The following STAU1 variants were observed in gnomAD, a reference collection of about 807,000 sequenced individuals.
The protein encoded by STAU1 is double-stranded RNA-binding protein Staufen homolog 1.
STAU1 carries 13 observed loss-of-function variants against 62.9 expected under a neutral mutation model. The observed-to-expected ratio is 0.21, with a 90% CI of 0.13 to 0.33. The LOEUF is 0.33. STAU1 is among the 10% of genes least tolerant of loss of function. The pLI is 1.00. For synonymous variants in STAU1, 269 were observed against 265.1 expected (o/e 1.01, Z -0.14); for missense variants, 571 against 712.1 (o/e 0.80, Z 2.25).
rs778087893 is a variant in STAU1 at position 49,151,649 on chromosome 20, G to A, written c.443C>T (p.Ala148Val). 30 of 1,612,146 alleles carry A rather than the reference G, an allele frequency of 1.9e-5. No homozygotes were observed. Among genetic ancestry groups the A allele is most frequent in the Admixed American group, 1.3e-4 (8 of 59,642 alleles). The stretch of plus-strand genomic sequence containing the variant: ...CGCTTTGGCAGCAGCATCGTGTTTC[G>A]CAGCCTGTCTTGTCTTTCCTTTGCC... ...FNGKGKTRQA[A>V]KHDAAAKALR... is the part of the protein sequence containing the mutation. The change falls in exon 5 of 14, where the codon GCG becomes GTG. Residue 148 changes from alanine to valine, a missense_variant. This residue lies in a region of STAU1 where 414 missense variants were observed against 499.6 expected (regional missense o/e 0.83). Coordinates refer to ENST00000371856, the MANE Select transcript of STAU1 (RefSeq NM_017453.4).
At chr20:49,147,872 T>C (rs191279831) in intron 5 of STAU1, among the ~76,000 whole-genome samples, 67 of 152,370 alleles carry the variant, frequency 4.4e-4, no homozygotes, top group African/African-American at 1.6e-3. Flanking sequence ...TACTGTACAC[T>C]GTCATGCCAT....
At chr20:49,211,546 T>C in the STAU1 span, among the ~76,000 whole-genome samples, 2 of 151,942 alleles carry the variant, frequency 1.3e-5, no homozygotes, top group Non-Finnish European at 2.9e-5. Context: ...CTAGTTCTGT[T>C]GCCCAGGCTG....
intron 2 of STAU1, among the ~76,000 whole-genome samples, chr20:49,172,947 G>C (rs541395312): frequency 6.6e-6 from 1 of 150,590 alleles, no homozygotes; most frequent in Non-Finnish European, 1.5e-5. Flanking sequence ...AAACAATCTC[G>C]GCTCACTGCA....
At chr20:49,144,994 T>C (rs1394352627) in intron 5 of STAU1, among the ~76,000 whole-genome samples, 1 of 152,196 alleles carries the variant, frequency 6.6e-6, no homozygotes, top group Non-Finnish European at 1.5e-5. Context: ...AAGACCCCTA[T>C]GATAATTGTA....
the STAU1 span, among the ~76,000 whole-genome samples, chr20:49,206,163 T>TG: frequency 6.6e-6 from 1 of 150,390 alleles, no homozygotes; most frequent in African/African-American, 2.4e-5. Context: ...TTTTTTTTTT[T>TG]TTGTATTTTT....
intron 5 of STAU1, among the ~76,000 whole-genome samples, chr20:49,147,847 G>A (rs1379998768): frequency 6.6e-6 from 1 of 152,140 alleles, no homozygotes; most frequent in Admixed American, 6.6e-5. Context: ...ATACACATCA[G>A]TGAAAAAAGG....
intron 1 of STAU1, among the ~76,000 whole-genome samples, chr20:49,181,052 GT>G (rs1178389179): frequency 1.3e-5 from 2 of 152,168 alleles, no homozygotes; most frequent in Non-Finnish European, 2.9e-5. Context: ...CTCTGAGCCA[GT>G]TATCTGGCCC....
intron 6 of STAU1, among the ~76,000 whole-genome samples, chr20:49,135,210 C>T (rs2092851472): frequency 6.6e-6 from 1 of 152,224 alleles, no homozygotes; most frequent in African/African-American, 2.4e-5. Flanking sequence ...AAATTTTCTG[C>T]AGCATTAAGC....
the STAU1 span, among the ~76,000 whole-genome samples, chr20:49,211,596 C>T: frequency 4.6e-5 from 7 of 152,106 alleles, no homozygotes; most frequent in Non-Finnish European, 7.4e-5. Flanking sequence ...CACCCTCCAC[C>T]TCTTGGGTTC....
chr20:49,131,366 G>A (rs908606839), intron 6 of STAU1, among the ~76,000 whole-genome samples: 1 of 152,148 alleles, frequency 6.6e-6, no homozygotes. Flanking sequence ...TGTGTATTAG[G>A]TAACAGTACT....
At chr20:49,177,448 G>A (rs969075430) in intron 1 of STAU1, among the ~76,000 whole-genome samples, 1 of 151,128 alleles carries the variant, frequency 6.6e-6, no homozygotes, top group African/African-American at 2.4e-5. Context: ...GGAGGCCGAG[G>A]GTGGCAGATC....
the STAU1 span, among the ~76,000 whole-genome samples, chr20:49,208,439 G>A: frequency 4.1e-3 from 629 of 152,038 alleles, 1 homozygote; most frequent in African/African-American, 0.015. Context: ...CTGACCTCAA[G>A]TGATCTGCCT....
chr20:49,206,431 T>A, the STAU1 span, among the ~76,000 whole-genome samples: 3 of 141,536 alleles, frequency 2.1e-5, no homozygotes, highest in Admixed American at 1.4e-4. Context: ...TTTTTTTTTT[T>A]TTTTTTTTGA....
chr20:49,210,165 C>G, the STAU1 span, among the ~76,000 whole-genome samples: 1 of 152,176 alleles, frequency 6.6e-6, no homozygotes, highest in African/African-American at 2.4e-5. Flanking sequence ...AGCTGTGGCA[C>G]TGTGTCTTGC....
At chr20:49,148,429 A>G (rs2093172923) in intron 5 of STAU1, among the ~76,000 whole-genome samples, 1 of 152,258 alleles carries the variant, frequency 6.6e-6, no homozygotes, top group Admixed American at 6.5e-5. Flanking sequence ...CGTATGATGG[A>G]AATATTCCAA....
At chr20:49,141,813 A>G (rs542694412) in intron 5 of STAU1, among the ~76,000 whole-genome samples, 73 of 152,310 alleles carry the variant, frequency 4.8e-4, no homozygotes, top group African/African-American at 1.7e-3. Flanking sequence ...TTCCCAGGGC[A>G]GTTAATCACT....
the STAU1 span, among the ~76,000 whole-genome samples, chr20:49,212,754 G>A: frequency 6.6e-6 from 1 of 151,502 alleles, no homozygotes; most frequent in African/African-American, 2.4e-5. Context: ...GTGCCACCAT[G>A]TCTGGCTAAT....
chr20:49,154,057 T>C lies in STAU1; in HGVS notation c.220A>G (p.Thr74Ala), dbSNP rs138731713. 23 of 1,605,986 alleles carry C rather than the reference T, an allele frequency of 1.4e-5. No homozygotes were observed. Among genetic ancestry groups the C allele is most frequent in the Admixed American group, 1.4e-4 (8 of 57,368 alleles). ...TSAAAESITP[T>A]VELNALCMKL... ...ATGCACAGTGCATTTAGTTCTACAG[T>C]AGGGGTTATGCTTTCTGCAAGAAAG... is the stretch of plus-strand genomic sequence containing the variant. Residue 74 changes from threonine to alanine, a missense_variant, in exon 4 of 14, where the codon ACT becomes GCT. Around this residue, in one of 3 missense-constraint regions of STAU1, gnomAD observed 414 missense variants for 499.6 expected, o/e 0.83. Transcript: ENST00000371856.
rs1264284896 is a variant in STAU1, at chr20:49,153,963, T to C, written c.314A>G (p.Tyr105Cys). ...GGGATAAGCACCTCCTCTCATGTTGTAGTTATAGGTGGACTGCATCCGAGA... is the reference window on the plus strand; with the variant it reads ...GGGATAAGCACCTCCTCTCATGTTGCAGTTATAGGTGGACTGCATCCGAGA... ...PYSRMQSTYN[Y>C]NMRGGAYPPR... Residue 105 changes from tyrosine to cysteine, a missense_variant, in exon 4 of 14, where the codon TAC becomes TGC. Physicochemically the swap from Tyr to Cys is radical, Grantham distance 194. Coordinates refer to ENST00000371856, the MANE Select transcript of STAU1 (RefSeq NM_017453.4). 3.1e-6 allele frequency: 5 copies of C among 1,605,816 alleles called. No individual in the cohort carries two copies. The African/African-American group carries it at 4.0e-5, about 13-fold the overall frequency.
Sources: allele counts gnomAD v4.1 joint callset (sites outside exome capture counted in the v4.1 genomes callset), GRCh38; gene constraint gnomAD v4.1.1; regional missense constraint gnomAD v4.1.1; transcripts MANE v1.5; gene names NCBI Gene and HGNC (gene_info 2026-07-23, HGNC 2026-07-21).